KCNIP4: variants seen among roughly 807,000 people sequenced by gnomAD.
KCNIP4 encodes the protein Kv channel-interacting protein 4.
Under a neutral mutation model 34.0 loss-of-function variants are expected in KCNIP4, and 12 were observed. The observed-to-expected ratio is 0.35, with a 90% CI of 0.23 to 0.57. The LOEUF is 0.57. Ranked by LOEUF, KCNIP4 falls within the 20% of genes least tolerant of loss-of-function variation. KCNIP4 has a pLI of 0.83. For synonymous variants in KCNIP4, 124 were observed against 102.2 expected (o/e 1.21, Z -1.29); for missense variants, 238 against 311.7 (o/e 0.76, Z 1.78).
intron 1 of KCNIP4, among the ~76,000 whole-genome samples, chr4:21,569,425 C>A (rs1560524290): frequency 6.6e-6 from 1 of 151,724 alleles, no homozygotes; most frequent in East Asian, 1.9e-4. Flanking sequence ...AAGTACAGAA[C>A]TTTAGTAATT....
chr4:21,150,918 T>A (rs1283138005), intron 1 of KCNIP4, among the ~76,000 whole-genome samples: 4 of 152,226 alleles, frequency 2.6e-5, no homozygotes. Flanking sequence ...GAATATAAAA[T>A]TTACATCCTT....
rs143537538 is a variant in KCNIP4, at chr4:21,473,120, A to G, written c.61+475451T>C. 3.0e-3 allele frequency among the ~76,000 whole-genome samples: 464 copies of G among 152,340 alleles called. 2 individuals are homozygous for G. Among genetic ancestry groups the G allele is most frequent in the African/African-American group, 0.01 (430 of 41,578 alleles). ...GTTTCGTTAGAAATTGCTCCATTAT[A>G]CTGGATATCGAAATGAAGATGACTT... On this transcript the variant is annotated intron_variant, in intron 1 of 8. Transcript: ENST00000382152.
At chr4:21,571,103 G>A (rs1315098656) in intron 1 of KCNIP4, among the ~76,000 whole-genome samples, 1 of 152,150 alleles carries the variant, frequency 6.6e-6, no homozygotes, top group African/African-American at 2.4e-5. Context: ...CCACCTGGCA[G>A]CTTGAGCCAT....
intron 1 of KCNIP4, among the ~76,000 whole-genome samples, chr4:21,069,945 A>G (rs1279839881): frequency 6.6e-6 from 1 of 152,150 alleles, no homozygotes; most frequent in Non-Finnish European, 1.5e-5. Flanking sequence ...AAAATATTCT[A>G]TCACCACAAA....
In KCNIP4 at chr4:20,758,809, A is replaced by G. The variant is rs1553890983; in HGVS notation, c.358+12T>C. On this transcript the variant is annotated intron_variant, in intron 4 of 8. Coordinates refer to ENST00000382152, the MANE Select transcript of KCNIP4 (RefSeq NM_025221.6). ...TCTGATAGTATGTTAACAAGTCCAC[A>G]TTTGTACTTACCTCCCTGTGGAAAG... The G allele has an allele frequency of 6.2e-6, 10 of 1,607,390 alleles. No homozygotes were observed. The highest frequency in any genetic ancestry group is 3.3e-5 in the Admixed American group (2 of 59,896).
chr4:21,041,424 A>G (rs927377707), intron 1 of KCNIP4, among the ~76,000 whole-genome samples: 11 of 152,182 alleles, frequency 7.2e-5, no homozygotes, highest in African/African-American at 2.7e-4. Flanking sequence ...GGCAGTTTCA[A>G]ACTTAAAGAT....
At chr4:20,742,206 CCT>C (rs1053808808) in intron 5 of KCNIP4, among the ~76,000 whole-genome samples, 5 of 152,146 alleles carry the variant, frequency 3.3e-5, no homozygotes, top group African/African-American at 1.2e-4. Context: ...GGGAATCCTC[CCT>C]AACTCATTTT....
At chr4:21,269,497 C>T (rs1762012581) in intron 1 of KCNIP4, among the ~76,000 whole-genome samples, 1 of 152,082 alleles carries the variant, frequency 6.6e-6, no homozygotes, top group Non-Finnish European at 1.5e-5. Flanking sequence ...CCTCAACCTC[C>T]TGGGCTCCAG....
At chr4:21,104,769 G>A (rs1476773719) in intron 1 of KCNIP4, among the ~76,000 whole-genome samples, 3 of 151,552 alleles carry the variant, frequency 2.0e-5, no homozygotes, top group Admixed American at 6.6e-5. Context: ...ATTAATTTTT[G>A]TATAAGGTGT....
chr4:21,159,382 T>TTAGGTATTCAAATGA (rs1577808067), intron 1 of KCNIP4, among the ~76,000 whole-genome samples: 1 of 82,316 alleles, frequency 1.2e-5, no homozygotes, highest in Non-Finnish European at 2.5e-5. Flanking sequence ...ATACTAAAGA[T>TTAGGTATTCAAATGA]ATGTTTGAGG....
At chr4:20,961,650 T>C (rs1733863878) in intron 1 of KCNIP4, among the ~76,000 whole-genome samples, 1 of 152,218 alleles carries the variant, frequency 6.6e-6, no homozygotes, top group Non-Finnish European at 1.5e-5. Flanking sequence ...AGCGCTGGTG[T>C]GGTCCCAAGA....
At chr4:21,918,812 GAAGCCTATT>G (rs1728783859) in intron 1 of KCNIP4, among the ~76,000 whole-genome samples, 1 of 152,224 alleles carries the variant, frequency 6.6e-6, no homozygotes, top group East Asian at 1.9e-4. Flanking sequence ...AAATAGACTG[GAAGCCTATT>G]AAGTATGTGA....
intron 1 of KCNIP4, among the ~76,000 whole-genome samples, chr4:21,201,056 C>T (rs181449710): frequency 6.6e-6 from 1 of 151,934 alleles, no homozygotes; most frequent in Non-Finnish European, 1.5e-5. Context: ...CTATTTTATT[C>T]AAAAAAATGG....
intron 1 of KCNIP4, among the ~76,000 whole-genome samples, chr4:21,694,597 C>G (rs1712055533): frequency 6.6e-6 from 1 of 151,970 alleles, no homozygotes; most frequent in African/African-American, 2.4e-5. Flanking sequence ...AATCTGTACT[C>G]TCTAAAAAAA....
intron 1 of KCNIP4, among the ~76,000 whole-genome samples, chr4:20,964,141 C>A (rs928066913): frequency 2.0e-5 from 3 of 152,044 alleles, no homozygotes; most frequent in African/African-American, 7.3e-5. Flanking sequence ...ATGTGAGGTC[C>A]TCAGCCCTTA....
chr4:20,991,570 G>C (rs578130434), intron 1 of KCNIP4, among the ~76,000 whole-genome samples: 2 of 152,230 alleles, frequency 1.3e-5, no homozygotes, highest in South Asian at 4.1e-4. Flanking sequence ...AGGGAGACGT[G>C]ATCTAAAATG....
At chr4:21,326,285 T>C (rs998633001) in intron 1 of KCNIP4, among the ~76,000 whole-genome samples, 3 of 115,470 alleles carry the variant, frequency 2.6e-5, no homozygotes, top group African/African-American at 1.2e-4. Context: ...TAGAGTTGGA[T>C]ATACATATAT....
rs1221997723 is a variant in KCNIP4 at position 21,589,264 on chromosome 4, A to ATATAT, written c.61+359306_61+359307insATATA. Among the ~76,000 whole-genome samples, 221 of 130,356 alleles carry ATATAT rather than the reference A, an allele frequency of 1.7e-3. 2 individuals carry two copies. The highest frequency in any genetic ancestry group is 6.8e-3 in the African/African-American group (207 of 30,300). The allele number at this position is 130,356 out of a possible 152,430, so 85.5% of individuals were successfully genotyped here. A position where few individuals can be genotyped will look rare whatever the true frequency, so the allele number is the denominator to read the frequency against. On this transcript the variant is annotated intron_variant, in intron 1 of 8. Coordinates refer to ENST00000382152, the MANE Select transcript of KCNIP4 (RefSeq NM_025221.6). The stretch of plus-strand genomic sequence containing the variant: ...CATATATACATATATGTATCTATAC[A>ATATAT]GATACATATATGTATAGATACATAT...
chr4:20,822,927 A>G (rs149691922), intron 3 of KCNIP4, among the ~76,000 whole-genome samples: 1,693 of 152,064 alleles, frequency 0.011, 31 homozygotes, highest in African/African-American at 0.039. Flanking sequence ...TTTCCCTTCT[A>G]TGTCTTCTAC....
Sources: gnomAD v4.1 joint callset for allele counts (sites outside exome capture counted in the v4.1 genomes callset) on GRCh38, gnomAD v4.1.1 for gene constraint, MANE v1.5 for transcripts, NCBI Gene and HGNC (gene_info 2026-07-23, HGNC 2026-07-21) for gene names.